The following HORMAD2 variants were observed in gnomAD, a reference collection of about 807,000 sequenced individuals.
HORMAD2 encodes HORMA domain-containing protein 2.
A neutral mutation model predicts 38.8 loss-of-function variants in HORMAD2; 45 were observed. The observed-to-expected ratio is 1.16, with a 90% CI of 0.91 to 1.49. The LOEUF (loss-of-function observed/expected upper bound fraction) is 1.49. Ranked by LOEUF, HORMAD2 falls within the 40% of genes most tolerant of loss-of-function variation. The pLI is 0.00. For missense variants in HORMAD2, 338 were observed against 367.0 expected (o/e 0.92, Z 0.65); for synonymous variants, 126 against 122.8 (o/e 1.03, Z -0.17).
the HORMAD2 span, among the ~76,000 whole-genome samples, chr22:30,205,780 C>T: frequency 1.3e-5 from 2 of 152,088 alleles, no homozygotes; most frequent in Non-Finnish European, 2.9e-5. Context: ...CCGGAAAAGC[C>T]GCTGCCCGTT....
downstream of HORMAD2, among the ~76,000 whole-genome samples, chr22:30,181,376 G>C (rs1012952327): frequency 3.9e-5 from 6 of 151,918 alleles, no homozygotes; most frequent in Admixed American, 3.9e-4. Flanking sequence ...TGCAAGCCTG[G>C]GGCCAGCACT....
At chr22:30,194,988 C>T in the HORMAD2 span, among the ~76,000 whole-genome samples, 8 of 151,988 alleles carry the variant, frequency 5.3e-5, no homozygotes, top group South Asian at 6.2e-4. Context: ...GTCAGGAGAT[C>T]GAGACCATCC....
chr22:30,129,612 A>G (rs1048903317), intron 10 of HORMAD2, among the ~76,000 whole-genome samples: 1 of 152,190 alleles, frequency 6.6e-6, no homozygotes, highest in Non-Finnish European at 1.5e-5. Context: ...TTGAACTCCA[A>G]AGTACTAGGA....
chr22:30,139,708 A>G (rs566649256), intron 10 of HORMAD2, among the ~76,000 whole-genome samples: 18 of 151,952 alleles, frequency 1.2e-4, no homozygotes, highest in Non-Finnish European at 1.9e-4. Flanking sequence ...ATCATTAGGT[A>G]TGGGTTTTTG....
At chr22:30,195,723 C>G in the HORMAD2 span, among the ~76,000 whole-genome samples, 3 of 152,222 alleles carry the variant, frequency 2.0e-5, no homozygotes, top group Non-Finnish European at 4.4e-5. Context: ...TGTACTACAT[C>G]TTACCATCCT....
At chr22:30,151,643 T>C (rs531986799) in intron 10 of HORMAD2, among the ~76,000 whole-genome samples, 10 of 152,316 alleles carry the variant, frequency 6.6e-5, no homozygotes, top group East Asian at 3.9e-4. Flanking sequence ...TTGAAGACCA[T>C]TGGAGATAAT....
At chr22:30,193,936 G>T in the HORMAD2 span, among the ~76,000 whole-genome samples, 1 of 152,126 alleles carries the variant, frequency 6.6e-6, no homozygotes, top group Non-Finnish European at 1.5e-5. Flanking sequence ...CTGAGGCTTG[G>T]TAGTAACCCA....
chr22:30,103,616 C>T, intron 4 of HORMAD2, 116 bp downstream of exon 4: 4 of 382,074 alleles, frequency 1.0e-5, no homozygotes, highest in South Asian at 5.1e-5. Context: ...TTCTTTTCTA[C>T]TTTCCCTCTT....
chr22:30,175,926 A>C, intron 10 of HORMAD2, 137 bp from the exon 11 acceptor site: 1 of 605,510 alleles, frequency 1.7e-6, no homozygotes. Flanking sequence ...TGCAGGGCCA[A>C]ACCAGCCCAC....
At chr22:30,169,326 C>T (rs111556436) in intron 10 of HORMAD2, among the ~76,000 whole-genome samples, 1,555 of 152,128 alleles carry the variant, frequency 0.01, 29 homozygotes, top group African/African-American at 0.035. Context: ...GTGTTTAACA[C>T]AATGTCTGGC....
chr22:30,191,832 A>G, the HORMAD2 span, among the ~76,000 whole-genome samples: 338 of 152,300 alleles, frequency 2.2e-3, 5 homozygotes, highest in African/African-American at 7.8e-3. Flanking sequence ...AACATTCAAG[A>G]TGTATAAATG....
chr22:30,115,711 A>G (rs1225111002), intron 7 of HORMAD2, among the ~76,000 whole-genome samples: 1 of 152,222 alleles, frequency 6.6e-6, no homozygotes, highest in Non-Finnish European at 1.5e-5. Flanking sequence ...ATAAATAAAA[A>G]TTAGTACAAA....
intron 10 of HORMAD2, among the ~76,000 whole-genome samples, chr22:30,125,211 C>CTTTTTT (rs1569099734): frequency 3.7e-4 from 17 of 46,560 alleles, no homozygotes; most frequent in Non-Finnish European, 6.7e-4. Context: ...CTTTCTTTTT[C>CTTTTTT]TTTTCTTTTT....
chr22:30,090,883 A>G (rs1253914527), intron 1 of HORMAD2, among the ~76,000 whole-genome samples: 1 of 152,242 alleles, frequency 6.6e-6, no homozygotes, highest in Non-Finnish European at 1.5e-5. Context: ...TAAAATATAC[A>G]ATAAATCATT....
At chr22:30,121,043 A>T (rs942715582) in intron 8 of HORMAD2, among the ~76,000 whole-genome samples, 1 of 152,220 alleles carries the variant, frequency 6.6e-6, no homozygotes, top group African/African-American at 2.4e-5. Flanking sequence ...AGATTTTCCT[A>T]TTAGTAATAT....
intron 10 of HORMAD2, among the ~76,000 whole-genome samples, chr22:30,143,993 G>A (rs1488734434): frequency 6.6e-6 from 1 of 152,306 alleles, no homozygotes; most frequent in East Asian, 1.9e-4. Flanking sequence ...GCTGATGCCA[G>A]TGCTATGCTT....
chr22:30,178,891 G>T (rs1339736991), downstream of HORMAD2, among the ~76,000 whole-genome samples: 1 of 151,988 alleles, frequency 6.6e-6, no homozygotes, highest in African/African-American at 2.4e-5. Context: ...CATGGGTTAG[G>T]TTCATGATTG....
intron 10 of HORMAD2, among the ~76,000 whole-genome samples, chr22:30,147,818 T>A (rs1442897968): frequency 6.6e-6 from 1 of 152,170 alleles, no homozygotes; most frequent in Admixed American, 6.5e-5. Flanking sequence ...CAGGAAAATA[T>A]GTATTAATGG....
In HORMAD2 at chr22:30,124,256, AACACACAC is replaced by A. The variant is rs10616156; in HGVS notation, c.819+2072_819+2079del. On this transcript the variant is annotated intron_variant, in intron 10 of 10. Coordinates refer to ENST00000336726, the MANE Select transcript of HORMAD2 (RefSeq NM_152510.4). ...TTGTTTTCCTTCATGGAATACATGG[AACACACAC>A]ACACACACACACACACACACACACA... is the stretch of plus-strand genomic sequence containing the variant. Among the ~76,000 whole-genome samples the A allele has an allele frequency of 6.1e-3, 898 of 146,580 alleles. 4 individuals are homozygous for A. Among genetic ancestry groups the A allele is most frequent in the African/African-American group, 0.019 (740 of 39,366 alleles).
Sources: gnomAD v4.1 joint callset for allele counts (sites outside exome capture counted in the v4.1 genomes callset) on GRCh38, gnomAD v4.1.1 for gene constraint, MANE v1.5 for transcripts, NCBI Gene and HGNC (gene_info 2026-07-23, HGNC 2026-07-21) for gene names.